The following RAP1A variants were observed in gnomAD, a reference collection of about 807,000 sequenced individuals.
The protein encoded by RAP1A is ras-related protein Rap-1A.
In RAP1A, 6 loss-of-function variants were observed where a neutral mutation model predicts 26.4. The ratio of observed to expected loss-of-function variants is 0.23; its 90% confidence interval spans 0.12 to 0.45. The LOEUF (loss-of-function observed/expected upper bound fraction) is 0.45, where lower values mean the gene tolerates loss of function less well. Among genes scored for constraint, RAP1A ranks in the 20% least tolerant of loss-of-function variants. The probability of loss-of-function intolerance (pLI) is 0.99; values close to 1 mark genes in which losing one functional copy is unlikely to be tolerated. For missense variants in RAP1A, 121 were observed against 217.2 expected (o/e 0.56, Z 2.78); for synonymous variants, 73 against 79.4 (o/e 0.92, Z 0.43).
At chr1:111,698,225 A>G (rs1345912771) in intron 4 of RAP1A, among the ~76,000 whole-genome samples, 2 of 152,138 alleles carry the variant, frequency 1.3e-5, no homozygotes, top group Non-Finnish European at 2.9e-5. Context: ...TTCTCCATGC[A>G]CATAGACTTG....
chr1:111,665,990 A>G (rs541311919), intron 1 of RAP1A, among the ~76,000 whole-genome samples: 4 of 152,324 alleles, frequency 2.6e-5, no homozygotes, highest in Admixed American at 2.0e-4. Flanking sequence ...ATTTGTTTCT[A>G]AAATACTTGT....
At chr1:111,593,989 G>T (rs2101067824) in intron 1 of RAP1A, among the ~76,000 whole-genome samples, 1 of 152,304 alleles carries the variant, frequency 6.6e-6, no homozygotes, top group Non-Finnish European at 1.5e-5. Context: ...GTCAAAACCA[G>T]GAAGTTCAGG....
At chr1:111,627,585 C>T (rs1391800947) in intron 1 of RAP1A, 1 of 151,840 alleles carries the variant, frequency 6.6e-6, no homozygotes, top group Non-Finnish European at 1.5e-5. Context: ...CAATCTTTGC[C>T]AATGTGATAG....
At chr1:111,574,075 T>G (rs79330535) in intron 1 of RAP1A, among the ~76,000 whole-genome samples, 3 of 152,134 alleles carry the variant, frequency 2.0e-5, no homozygotes, top group Non-Finnish European at 2.9e-5. Context: ...TCTTTCAGAG[T>G]TTTTATAGTT....
chr1:111,604,471 TG>T (rs1217457173), intron 1 of RAP1A: 2 of 152,292 alleles, frequency 1.3e-5, no homozygotes, highest in East Asian at 3.9e-4. Flanking sequence ...TAATTCCCAG[TG>T]GCAGGATGTC....
At chr1:111,616,691 C>T (rs1659020580), upstream of RAP1A, among the ~76,000 whole-genome samples, 1 of 152,170 alleles carries the variant, frequency 6.6e-6, no homozygotes, top group Admixed American at 6.5e-5. Context: ...ATAGGCTTTC[C>T]CCAGCAAAAC....
chr1:111,593,772 G>A (rs894170929), intron 1 of RAP1A, among the ~76,000 whole-genome samples: 2 of 147,752 alleles, frequency 1.4e-5, no homozygotes, highest in Non-Finnish European at 3.0e-5. Context: ...CCAGCCCACA[G>A]TGGACTTTTA....
chr1:111,687,325 A>C (rs1386149537), intron 1 of RAP1A, among the ~76,000 whole-genome samples: 1 of 151,234 alleles, frequency 6.6e-6, no homozygotes, highest in Non-Finnish European at 1.5e-5. Flanking sequence ...CTCCTGCCTC[A>C]GCCTCCCAAG....
chr1:111,674,591 T>C (rs1334855370), intron 1 of RAP1A, among the ~76,000 whole-genome samples: 2 of 152,348 alleles, frequency 1.3e-5, no homozygotes, highest in East Asian at 1.9e-4. Flanking sequence ...GTTCTTCCCA[T>C]AGGAATCTCA....
intron 2 of RAP1A, 137 bp from the exon 3 acceptor site, chr1:111,695,204 T>TAAC: frequency 2.0e-6 from 1 of 487,864 alleles, no homozygotes; most frequent in Admixed American, 6.9e-5. Flanking sequence ...TTGAAAGAAT[T>TAAC]AATAATATAC....
At chr1:111,654,337 C>G (rs977789147) in intron 1 of RAP1A, among the ~76,000 whole-genome samples, 4 of 152,284 alleles carry the variant, frequency 2.6e-5, no homozygotes, top group African/African-American at 9.6e-5. Flanking sequence ...CCACTTCACA[C>G]TTTCATGTAT....
Position 111,560,551 on chromosome 1 carries a change from C to T in RAP1A, c.-28+18042C>T, listed in dbSNP as rs557479423. 7.2e-5 allele frequency among the ~76,000 whole-genome samples: 11 copies of T among 151,794 alleles called. 1 individual carries two copies. The South Asian group carries it at 1.0e-3, about 14-fold the overall frequency. On this transcript the variant is annotated intron_variant, in intron 1 of 7. Coordinates refer to the RAP1A transcript ENST00000356415. ...TCACTGAGGCTGGAGTGCAATGGCA[C>T]GATCATAGCTCACTGCAGCCTCAAA...
At chr1:111,595,114 G>GC (rs1469120065) in intron 1 of RAP1A, among the ~76,000 whole-genome samples, 1 of 152,106 alleles carries the variant, frequency 6.6e-6, no homozygotes, top group Admixed American at 6.5e-5. Context: ...CAGTTAATCA[G>GC]CCCATCTTCC....
chr1:111,680,453 T>A (rs1360063795), intron 1 of RAP1A, among the ~76,000 whole-genome samples: 1 of 152,168 alleles, frequency 6.6e-6, no homozygotes, highest in South Asian at 2.1e-4. Context: ...AGAGTGCTGA[T>A]TGGTGCATTT....
intron 4 of RAP1A, among the ~76,000 whole-genome samples, chr1:111,702,176 A>T (rs17028287): frequency 0.13 from 20,134 of 152,216 alleles, 2,033 homozygotes; most frequent in African/African-American, 0.29. Flanking sequence ...CAAGCTTAAG[A>T]AACTTTGTGG....
chr1:111,609,638 CT>C (rs1007185037), intron 1 of RAP1A, among the ~76,000 whole-genome samples: 10 of 151,966 alleles, frequency 6.6e-5, no homozygotes, highest in Admixed American at 2.0e-4. Context: ...TATTGATTGA[CT>C]TTTTTTTGTT....
chr1:111,713,727 C>CT lies in RAP1A; in HGVS notation c.*1330dup, dbSNP rs1662454001. On this transcript the variant is annotated 3_prime_UTR_variant, in exon 8 of 8. Transcript: ENST00000369709. ...AGCTTCCTATATAGTGGTGCTTTTT[C>CT]TTTTCCTTCCCAGTTATTTTCCTCT... 6.6e-6 allele frequency: 1 copy of CT among 152,132 alleles called. No individual in the cohort carries two copies. Among genetic ancestry groups the CT allele is most frequent in the Non-Finnish European group, 1.5e-5 (1 of 67,982 alleles). The allele number at this position is 152,132 out of a possible 1,614,324, so 9.4% of individuals were successfully genotyped here. A position where few individuals can be genotyped will look rare whatever the true frequency, so the allele number is the denominator to read the frequency against.
chr1:111,651,300 T>G (rs1213785538), intron 1 of RAP1A, among the ~76,000 whole-genome samples: 3 of 152,102 alleles, frequency 2.0e-5, no homozygotes, highest in Admixed American at 1.3e-4. Context: ...TTAAGTTAAT[T>G]GATTATAATT....
intron 1 of RAP1A, among the ~76,000 whole-genome samples, chr1:111,659,985 C>T (rs1243153681): frequency 6.6e-6 from 1 of 152,174 alleles, no homozygotes; most frequent in Non-Finnish European, 1.5e-5. Flanking sequence ...TTATTTTGAA[C>T]AAACTGTATA....
Sources: allele counts gnomAD v4.1 joint callset (sites outside exome capture counted in the v4.1 genomes callset), GRCh38; gene constraint gnomAD v4.1.1; transcripts MANE v1.5; gene names NCBI Gene and HGNC (gene_info 2026-07-23, HGNC 2026-07-21).